SORL1: variants seen among roughly 807,000 people sequenced by gnomAD.
The protein encoded by SORL1 is sortilin-related receptor.
A neutral mutation model predicts 273.7 loss-of-function variants in SORL1; 127 were observed. The observed-to-expected ratio is 0.46, with a 90% CI of 0.40 to 0.54. The LOEUF is 0.54. SORL1 is among the 20% of genes least tolerant of loss of function. The pLI, the probability that SORL1 is intolerant of heterozygous loss-of-function variation, is 0.00. For missense variants in SORL1, 2,494 were observed against 2,846.1 expected, an observed-to-expected ratio of 0.88 and a Z score of 2.81; for synonymous variants, 1,031 against 1,067.4, an observed-to-expected ratio of 0.97 and a Z score of 0.66.
intron 1 of SORL1, among the ~76,000 whole-genome samples, chr11:121,461,083 A>G (rs1363237558): frequency 6.6e-6 from 1 of 151,958 alleles, no homozygotes. Flanking sequence ...GCATGCTTTG[A>G]ACCTGTGCTC....
chr11:121,598,065 G>C (rs1279348104), intron 32 of SORL1, among the ~76,000 whole-genome samples: 2 of 152,176 alleles, frequency 1.3e-5, no homozygotes, highest in African/African-American at 4.8e-5. Flanking sequence ...CAGAGAGGTA[G>C]GCATGAGGTA....
intron 9 of SORL1, among the ~76,000 whole-genome samples, chr11:121,521,678 G>A (rs920946108): frequency 2.0e-5 from 3 of 152,152 alleles, no homozygotes; most frequent in African/African-American, 7.2e-5. Flanking sequence ...AGAGGAGTGA[G>A]CAAATAAATA....
chr11:121,473,083 A>G (rs1394987486), intron 2 of SORL1, among the ~76,000 whole-genome samples: 1 of 152,228 alleles, frequency 6.6e-6, no homozygotes, highest in Non-Finnish European at 1.5e-5. Context: ...GGATTGGCAG[A>G]TGCAAGTGAG....
At chr11:121,543,093 A>G (rs927243264) in intron 12 of SORL1, among the ~76,000 whole-genome samples, 1 of 150,818 alleles carries the variant, frequency 6.6e-6, no homozygotes, top group Non-Finnish European at 1.5e-5. Flanking sequence ...CGGGAGGCTG[A>G]GGCAGGAGAA....
intron 23 of SORL1, among the ~76,000 whole-genome samples, chr11:121,571,005 C>T (rs1862833551): frequency 6.6e-6 from 1 of 152,266 alleles, no homozygotes. Flanking sequence ...TGCACTCACT[C>T]AACAAGCAGT....
At chr11:121,590,591 C>T (rs1331948473) in intron 30 of SORL1, 3 of 583,172 alleles carry the variant, frequency 5.1e-6, no homozygotes, top group Middle Eastern at 4.6e-4. Context: ...GCAGACTTGC[C>T]CCTTTCCTTT....
At chr11:121,503,429 C>T (rs1861741840) in intron 6 of SORL1, among the ~76,000 whole-genome samples, 1 of 151,986 alleles carries the variant, frequency 6.6e-6, no homozygotes, top group Non-Finnish European at 1.5e-5. Context: ...AAAGGCTATA[C>T]TTTTTCCTTG....
intron 11 of SORL1, among the ~76,000 whole-genome samples, chr11:121,527,083 C>G (rs1046825746): frequency 1.3e-5 from 2 of 152,168 alleles, no homozygotes; most frequent in South Asian, 4.2e-4. Context: ...GGCATTCTTG[C>G]CTTGTTCTCT....
intron 32 of SORL1, among the ~76,000 whole-genome samples, chr11:121,599,991 G>A (rs1426953618): frequency 6.6e-6 from 1 of 152,098 alleles, no homozygotes; most frequent in South Asian, 2.1e-4. Context: ...TTTTAAAGTG[G>A]CCCTATCTTC....
Position 121,558,887 on chromosome 11 carries a change from A to G in SORL1, c.2910+50A>G, listed in dbSNP as rs200637950. ...CAGTCTGCTAGAGCGGGTGAGGAGCATATGAGATCAGGAGCCTGCATCCCT... is the reference window on the plus strand; with the variant it reads ...CAGTCTGCTAGAGCGGGTGAGGAGCGTATGAGATCAGGAGCCTGCATCCCT... On this transcript the variant is annotated intron_variant, in intron 20 of 47. Coordinates refer to ENST00000260197, the MANE Select transcript of SORL1 (RefSeq NM_003105.6). 10 of 1,604,774 alleles carry G rather than the reference A, an allele frequency of 6.2e-6. No individual in the cohort carries two copies. The African/African-American group carries it at 1.2e-4, about 19-fold the overall frequency.
At chr11:121,499,415 T>C (rs928404416) in intron 6 of SORL1, among the ~76,000 whole-genome samples, 2 of 152,164 alleles carry the variant, frequency 1.3e-5, no homozygotes, top group Non-Finnish European at 2.9e-5. Context: ...GCAAGGACAG[T>C]TGTTACAAGT....
chr11:121,616,817 C>T (rs1863649429), intron 41 of SORL1, among the ~76,000 whole-genome samples: 1 of 152,234 alleles, frequency 6.6e-6, no homozygotes, highest in Non-Finnish European at 1.5e-5. Context: ...GCCCGTGACA[C>T]AGCCCTCAGG....
rs747210518 is a variant in SORL1, at chr11:121,570,235, A to G, written c.3302A>G (p.Asn1101Ser). 6.8e-6 allele frequency: 11 copies of G among 1,613,836 alleles called. No individual in the cohort carries two copies. The East Asian group carries it at 2.5e-4, about 36-fold the overall frequency. ...AGCATTTGGTGGTGTGACTTTGACA[A>G]CGACTGTGGAGACATGAGCGATGAG... ...INSIWWCDFDNDCGDMSDERN... is the reference protein window; with the variant it reads ...INSIWWCDFDSDCGDMSDERN... Residue 1101 changes from asparagine (N) to serine (S), a missense_variant, in exon 23 of 48, where the codon AAC becomes AGC. Around this residue, in one of 3 missense-constraint regions of SORL1, gnomAD observed 1,609 missense variants for 1,816.4 expected, o/e 0.89. Coordinates refer to ENST00000260197, the MANE Select transcript of SORL1 (RefSeq NM_003105.6).
At chr11:121,486,138 C>T (rs1861467888) in intron 3 of SORL1, among the ~76,000 whole-genome samples, 1 of 152,204 alleles carries the variant, frequency 6.6e-6, no homozygotes, top group Admixed American at 6.5e-5. Context: ...TGGGCTTATC[C>T]TGCAGGATTG....
chr11:121,513,020 A>G lies in SORL1; in HGVS notation c.957A>G (p.Glu319=), dbSNP rs1861901261. 1 of 1,613,972 alleles carries G rather than the reference A, an allele frequency of 6.2e-7. No individual in the cohort carries two copies. Among genetic ancestry groups the G allele is most frequent in the Non-Finnish European group, 8.5e-7 (1 of 1,179,944 alleles). The change falls in exon 7 of 48, where the codon GAA becomes GAG. Residue 319 remains glutamate (E), a synonymous_variant. Coordinates refer to ENST00000260197, the MANE Select transcript of SORL1 (RefSeq NM_003105.6). ...CTTGGCAGCATCTCTTGGGCAGTGA[A>G]CAGCAGTCTTCTGTCCAGCTCTGGG... ...ATKVVHLLGS[E]QQSSVQLWVS...
intron 31 of SORL1, among the ~76,000 whole-genome samples, 184 bp downstream of exon 31, chr11:121,591,340 T>C (rs1029885758): frequency 1.3e-5 from 2 of 152,226 alleles, no homozygotes; most frequent in African/African-American, 4.8e-5. Context: ...CATTTTTTCC[T>C]GGATCATAGA....
At chr11:121,576,917 A>G in intron 24 of SORL1, 1 of 1,535,618 alleles carries the variant, frequency 6.5e-7, no homozygotes, top group Non-Finnish European at 8.7e-7. Context: ...TGTTTCTTGA[A>G]AGTTCTACTT....
chr11:121,470,682 AT>A (rs977451407), intron 2 of SORL1, among the ~76,000 whole-genome samples: 9 of 149,188 alleles, frequency 6.0e-5, no homozygotes, highest in East Asian at 2.0e-4. Flanking sequence ...ACTCTTTTCT[AT>A]TTTTTTTTTG....
chr11:121,562,039 T>C (rs1452985954), intron 21 of SORL1, among the ~76,000 whole-genome samples: 1 of 152,086 alleles, frequency 6.6e-6, no homozygotes, highest in Non-Finnish European at 1.5e-5. Flanking sequence ...ACCTGCTTGC[T>C]TTTTTTGGAC....
Sources: gnomAD v4.1 joint callset for allele counts (sites outside exome capture counted in the v4.1 genomes callset) on GRCh38, gnomAD v4.1.1 for gene constraint, gnomAD v4.1.1 regional missense constraint, MANE v1.5 for transcripts, NCBI Gene and HGNC (gene_info 2026-07-23, HGNC 2026-07-21) for gene names.